The following CHST10 variants were observed in gnomAD, a reference collection of about 807,000 sequenced individuals.
The protein encoded by CHST10 is HNK-1 sulfotransferase.
In CHST10, 24 loss-of-function variants were observed where a neutral mutation model predicts 34.7. The ratio of observed to expected loss-of-function variants is 0.69; its 90% confidence interval spans 0.50 to 0.97. CHST10 has a LOEUF of 0.97. CHST10 is among the 50% of genes least tolerant of loss of function. CHST10 has a pLI of 0.00. For synonymous variants in CHST10, 161 were observed against 169.3 expected, an observed-to-expected ratio of 0.95 and a Z score of 0.38; for missense variants, 402 against 452.1, an observed-to-expected ratio of 0.89 and a Z score of 1.00.
At chr2:100,394,167 T>C (rs1248819446) in intron 6 of CHST10, among the ~76,000 whole-genome samples, 3 of 152,136 alleles carry the variant, frequency 2.0e-5, no homozygotes, top group Non-Finnish European at 4.4e-5. Context: ...GAGTCAGGAA[T>C]AGATGGTGCC....
intron 2 of CHST10, among the ~76,000 whole-genome samples, chr2:100,411,022 TG>T (rs1675811948): frequency 6.6e-6 from 1 of 152,124 alleles, no homozygotes; most frequent in South Asian, 2.1e-4. Flanking sequence ...GACACATATA[TG>T]TAATACATAG....
chr2:100,405,999 G>T (rs566248247), intron 3 of CHST10, among the ~76,000 whole-genome samples: 2 of 152,310 alleles, frequency 1.3e-5, no homozygotes, highest in South Asian at 4.1e-4. Context: ...AATGACAAGA[G>T]CACGAAGTAG....
Position 100,395,568 on chromosome 2 carries a change from G to C in CHST10, c.474C>G (p.Asp158Glu). The C allele has an allele frequency of 5.0e-6, 8 of 1,614,078 alleles. No individual in the cohort carries two copies. The highest frequency in any genetic ancestry group is 6.8e-6 in the Non-Finnish European group (8 of 1,179,936). The change falls in exon 6 of 7, where the codon GAC becomes GAG. Residue 158 changes from aspartate to glutamate, a missense_variant. Asp to Glu is a conservative substitution (Grantham distance 45). Transcript: ENST00000264249. The part of the protein sequence containing the change: ...IEEIPENVVH[D>E]HEKNGLPRLS... ...GCCGAGGAAGGCCGTTCTTCTCGTG[G>C]TCGTGCACCACGTTTTCGGGGATCT...
intron 2 of CHST10, among the ~76,000 whole-genome samples, chr2:100,409,386 T>C (rs1573196292): frequency 6.6e-6 from 1 of 152,216 alleles, no homozygotes; most frequent in African/African-American, 2.4e-5. Flanking sequence ...ATAGGATTTC[T>C]CCAACTACAT....
At chr2:100,399,672 G>GC (rs1558637293) in intron 4 of CHST10, among the ~76,000 whole-genome samples, 1 of 152,066 alleles carries the variant, frequency 6.6e-6, no homozygotes. Context: ...CCCCCTCAGG[G>GC]CCCCCCACCC....
In CHST10 at chr2:100,402,471, T is replaced by C. The variant is rs1004101801; in HGVS notation, c.192+93A>G. The C allele has an allele frequency of 4.3e-6, 4 of 937,952 alleles. No individual in the cohort carries two copies. The African/African-American group carries it at 4.9e-5, about 11-fold the overall frequency. The allele number at this position is 937,952 out of a possible 1,614,324, so 58.1% of individuals were successfully genotyped here. ...GGAAAAGGCTCTAACGCAGACGTGATGACAAGCGGAACCAGCCACAGGGGA... is the reference window on the plus strand; with the variant it reads ...GGAAAAGGCTCTAACGCAGACGTGACGACAAGCGGAACCAGCCACAGGGGA... On this transcript the variant is annotated intron_variant, in intron 4 of 6. Transcript: ENST00000264249.
In CHST10 at chr2:100,391,929, T is replaced by C. The variant is rs1164473766; in HGVS notation, c.*1316A>G. 6.5e-6 allele frequency: 1 copy of C among 152,810 alleles called. No individual in the cohort carries two copies. Among genetic ancestry groups the C allele is most frequent in the Admixed American group, 6.5e-5 (1 of 15,306 alleles). 9.5% of individuals were successfully genotyped at this position (152,810 alleles called of 1,614,324 possible). On this transcript the variant is annotated 3_prime_UTR_variant, in exon 7 of 7. Coordinates refer to ENST00000264249, the MANE Select transcript of CHST10 (RefSeq NM_004854.5). ...ATCAGGAAACCATTCTGAGAAAAGG[T>C]AGAGGCCGCCTTGAAGCGAAGCCTG...
chr2:100,395,011 G>A (rs538907562), intron 6 of CHST10, among the ~76,000 whole-genome samples: 17 of 151,998 alleles, frequency 1.1e-4, no homozygotes, highest in Admixed American at 3.3e-4. Flanking sequence ...GAGCCACTGC[G>A]CCCAGCCTGG....
chr2:100,410,843 A>G (rs1001392472), intron 2 of CHST10, among the ~76,000 whole-genome samples: 4 of 152,206 alleles, frequency 2.6e-5, no homozygotes, highest in Non-Finnish European at 4.4e-5. Context: ...TTTCATTTCA[A>G]ATAAAACTCT....
At position 100,402,558 on chromosome 2, in the gene CHST10, G is replaced by A. The variant is rs1179733236; in HGVS notation, c.192+6C>T. On this transcript the variant is annotated splice_donor_region_variant and intron_variant, in intron 4 of 6. Coordinates refer to ENST00000264249, the MANE Select transcript of CHST10 (RefSeq NM_004854.5). ...AGGACAAGGACCACGGCCTGGCTGT[G>A]CCCACCTTCAGTTCCTCAGGAATGT... The A allele has an allele frequency of 1.9e-6, 3 of 1,612,792 alleles. No individual in the cohort carries two copies. Among genetic ancestry groups the A allele is most frequent in the Admixed American group, 3.3e-5 (2 of 60,004 alleles).
intron 2 of CHST10, among the ~76,000 whole-genome samples, chr2:100,412,970 T>C (rs888712689): frequency 4.6e-5 from 7 of 152,158 alleles, no homozygotes; most frequent in Admixed American, 1.3e-4. Context: ...CCAAATTCAC[T>C]TCACCCCAGC....
chr2:100,393,230 C>A lies in CHST10; in HGVS notation c.*15G>T. The A allele has an allele frequency of 6.2e-7, 1 of 1,612,274 alleles. No homozygotes were observed. Among genetic ancestry groups the A allele is most frequent in the Non-Finnish European group, 8.5e-7 (1 of 1,178,922 alleles). The stretch of plus-strand genomic sequence containing the variant: ...CAGGTCTAATAAAGATATTTGAATT[C>A]ATAGGTCTTATGCATTAGTTTAGCA... On this transcript the variant is annotated 3_prime_UTR_variant, in exon 7 of 7. Coordinates refer to ENST00000264249, the MANE Select transcript of CHST10 (RefSeq NM_004854.5).
intron 3 of CHST10, among the ~76,000 whole-genome samples, chr2:100,404,097 G>A (rs978868788): frequency 2.4e-4 from 36 of 152,212 alleles, no homozygotes; most frequent in African/African-American, 8.7e-4. Flanking sequence ...CTCAGCTGGC[G>A]GATATCCACC....
intron 4 of CHST10, among the ~76,000 whole-genome samples, chr2:100,399,087 C>G (rs929909534): frequency 1.3e-5 from 2 of 149,098 alleles, no homozygotes; most frequent in Non-Finnish European, 3.0e-5. Context: ...TCAGCTGCTA[C>G]ATCTCTCTCT....
At chr2:100,412,653 T>C (rs1300451108) in intron 2 of CHST10, among the ~76,000 whole-genome samples, 2 of 152,180 alleles carry the variant, frequency 1.3e-5, no homozygotes, top group Non-Finnish European at 2.9e-5. Context: ...CTTGTTAAAA[T>C]GCAGACTCTA....
intron 4 of CHST10, among the ~76,000 whole-genome samples, chr2:100,400,688 T>G (rs1339313461): frequency 6.6e-6 from 1 of 152,214 alleles, no homozygotes; most frequent in Non-Finnish European, 1.5e-5. Flanking sequence ...AAAGTAAACT[T>G]TTTTTCTGAG....
intron 4 of CHST10, among the ~76,000 whole-genome samples, chr2:100,399,660 TCCCCCCTCAGGG>T (rs1675245573): frequency 6.6e-6 from 1 of 152,042 alleles, no homozygotes; most frequent in South Asian, 2.1e-4. Context: ...ATGACAGAGG[TCCCCCCTCAGGG>T]CCCCCCACCC....
chr2:100,397,409 C>T (rs887959926), intron 5 of CHST10, among the ~76,000 whole-genome samples: 2 of 152,176 alleles, frequency 1.3e-5, no homozygotes, highest in African/African-American at 4.8e-5. Flanking sequence ...TCTTCCTGCT[C>T]GCTGGCACAG....
chr2:100,395,246 T>A (rs917234599), intron 6 of CHST10, among the ~76,000 whole-genome samples: 3 of 152,224 alleles, frequency 2.0e-5, no homozygotes, highest in Non-Finnish European at 4.4e-5. Context: ...CAAAGTTGCC[T>A]GCTAATTTCT....
Sources: allele counts gnomAD v4.1 joint callset (sites outside exome capture counted in the v4.1 genomes callset), GRCh38; gene constraint gnomAD v4.1.1; transcripts MANE v1.5; gene names NCBI Gene and HGNC (gene_info 2026-07-23, HGNC 2026-07-21).